MCC: variants seen among roughly 807,000 people sequenced by gnomAD.
MCC encodes the protein MCC regulator of Wnt signaling pathway, also known as colorectal mutant cancer protein.
In MCC, 90 loss-of-function variants were observed where a neutral mutation model predicts 116.2. That is an observed-to-expected ratio of 0.77 (90% CI 0.65 to 0.92). The LOEUF is 0.92. Among genes scored for constraint, MCC ranks in the 40% least tolerant of loss-of-function variants. The pLI is 0.00. For missense variants in MCC, 1,516 were observed against 1,312.2 expected (o/e 1.16, Z -2.40); for synonymous variants, 578 against 510.5 (o/e 1.13, Z -1.78).
intron 11 of MCC, among the ~76,000 whole-genome samples, chr5:113,080,509 T>C (rs935806276): frequency 1.5e-4 from 23 of 152,174 alleles, no homozygotes; most frequent in Admixed American, 1.3e-3. Context: ...TGTAGGGACA[T>C]GGATGAAGCT....
chr5:113,320,342 T>C (rs1767388025), intron 3 of MCC, among the ~76,000 whole-genome samples: 1 of 150,784 alleles, frequency 6.6e-6, no homozygotes, highest in Non-Finnish European at 1.5e-5. Flanking sequence ...AAGTGGCAAA[T>C]ATATAGAAAC....
chr5:113,468,393 G>T (rs887250752), intron 1 of MCC, among the ~76,000 whole-genome samples: 1 of 152,290 alleles, frequency 6.6e-6, no homozygotes, highest in East Asian at 1.9e-4. Context: ...TAGCATGAAA[G>T]GTTGTTGAAC....
intron 3 of MCC, among the ~76,000 whole-genome samples, chr5:113,188,692 C>A (rs1446796953): frequency 1.3e-5 from 2 of 152,104 alleles, no homozygotes; most frequent in Non-Finnish European, 2.9e-5. Context: ...CCTGTTTAAT[C>A]ATGATGTAGG....
At chr5:113,226,375 C>G (rs1763740256) in intron 3 of MCC, among the ~76,000 whole-genome samples, 2 of 152,196 alleles carry the variant, frequency 1.3e-5, no homozygotes, top group Non-Finnish European at 2.9e-5. Flanking sequence ...ATGAGATGTG[C>G]TCAGATTTTA....
At chr5:113,354,543 T>A (rs1768362399) in intron 2 of MCC, among the ~76,000 whole-genome samples, 1 of 151,758 alleles carries the variant, frequency 6.6e-6, no homozygotes, top group African/African-American at 2.4e-5. Context: ...CAAGCGATTG[T>A]CCTGTTTCAG....
At chr5:113,061,204 C>A (rs1257520288) in intron 14 of MCC, among the ~76,000 whole-genome samples, 1 of 152,224 alleles carries the variant, frequency 6.6e-6, no homozygotes, top group Admixed American at 6.5e-5. Context: ...GGCAAGGCTG[C>A]AACCACCATT....
intron 3 of MCC, among the ~76,000 whole-genome samples, chr5:113,295,699 C>T (rs886410782): frequency 6.6e-6 from 1 of 152,146 alleles, no homozygotes; most frequent in Non-Finnish European, 1.5e-5. Flanking sequence ...GGTAAAACAT[C>T]CTGTGTCTAT....
chr5:113,207,857 C>T (rs546503330), intron 3 of MCC, among the ~76,000 whole-genome samples: 1 of 152,256 alleles, frequency 6.6e-6, no homozygotes, highest in African/African-American at 2.4e-5. Flanking sequence ...AAGTCCTTCC[C>T]CTGGAGGCCA....
intron 3 of MCC, among the ~76,000 whole-genome samples, chr5:113,152,452 G>A (rs181527362): frequency 6.6e-6 from 1 of 152,276 alleles, no homozygotes; most frequent in Admixed American, 6.5e-5. Flanking sequence ...GTGAACAACT[G>A]GAATTAGAAC....
At chr5:113,392,367 T>C (rs1167260551) in intron 1 of MCC, among the ~76,000 whole-genome samples, 1 of 152,182 alleles carries the variant, frequency 6.6e-6, no homozygotes. Flanking sequence ...AACGTAATTT[T>C]AGAAACTGGA....
intron 1 of MCC, among the ~76,000 whole-genome samples, chr5:113,398,660 A>G (rs1769597633): frequency 6.6e-6 from 1 of 152,204 alleles, no homozygotes; most frequent in African/African-American, 2.4e-5. Flanking sequence ...TGGCAACGAT[A>G]GACACTTGGG....
intron 1 of MCC, among the ~76,000 whole-genome samples, chr5:113,475,251 A>G (rs1158740587): frequency 6.6e-6 from 1 of 152,250 alleles, no homozygotes; most frequent in Admixed American, 6.5e-5. Flanking sequence ...TGTTTTAAAT[A>G]ATTAAACACA....
chr5:113,233,984 C>T (rs1289441045), intron 3 of MCC, among the ~76,000 whole-genome samples: 1 of 152,142 alleles, frequency 6.6e-6, no homozygotes, highest in Non-Finnish European at 1.5e-5. Context: ...TAAGTCCTAC[C>T]ACTCTCTACC....
At chr5:113,413,031 T>C (rs1001493468) in intron 1 of MCC, among the ~76,000 whole-genome samples, 1 of 152,216 alleles carries the variant, frequency 6.6e-6, no homozygotes, top group Admixed American at 6.5e-5. Context: ...GAGATAAGCA[T>C]GTGGTTTTTG....
At chr5:113,466,542 C>T (rs1771914492) in intron 1 of MCC, among the ~76,000 whole-genome samples, 1 of 152,010 alleles carries the variant, frequency 6.6e-6, no homozygotes, top group Non-Finnish European at 1.5e-5. Flanking sequence ...CATAGTATTC[C>T]ATGGTGTATA....
chr5:113,267,828 A>G (rs1765475387), intron 3 of MCC, among the ~76,000 whole-genome samples: 1 of 152,230 alleles, frequency 6.6e-6, no homozygotes, highest in South Asian at 2.1e-4. Flanking sequence ...ACGGAATTGT[A>G]TACCTTAAAT....
rs147665017 is a variant in MCC, at chr5:113,036,201, C to T, written c.2757-7145G>A. ...TATAGGCACCTGTCACCATGCCCAG[C>T]TCATTTTTGTATTTTTAGTAGGGAC... On this transcript the variant is annotated intron_variant, in intron 17 of 18. Coordinates refer to ENST00000408903, the MANE Select transcript of MCC (RefSeq NM_001085377.2). Among the ~76,000 whole-genome samples, 1,320 of 152,062 alleles carry T rather than the reference C, an allele frequency of 8.7e-3. 27 individuals are homozygous for T. Among genetic ancestry groups the T allele is most frequent in the African/African-American group, 0.031 (1,271 of 41,460 alleles).
chr5:113,341,790 C>T (rs1471566802), intron 2 of MCC, among the ~76,000 whole-genome samples: 1 of 152,022 alleles, frequency 6.6e-6, no homozygotes, highest in African/African-American at 2.4e-5. Context: ...TCTGCTCATC[C>T]TAAGTACCCT....
In MCC at chr5:113,085,178, T is replaced by C. The variant is rs978603870; in HGVS notation, c.1531A>G (p.Ile511Val). 1.2e-6 allele frequency: 2 copies of C among 1,614,184 alleles called. No homozygotes were observed. The highest frequency in any genetic ancestry group is 1.7e-6 in the Non-Finnish European group (2 of 1,180,026). Residue 511 changes from isoleucine to valine, a missense_variant, in exon 9 of 19, where the codon ATT becomes GTT. Coordinates refer to ENST00000408903, the MANE Select transcript of MCC (RefSeq NM_001085377.2). The stretch of plus-strand genomic sequence containing the variant: ...CAGGAACTCACCTTGGCGATGGGAA[T>C]GTCATTGCTGCTGCTGCTTGTGCTC... ...ELSTSSSSNDIPIAKIAERVK... is the reference protein window; with the variant it reads ...ELSTSSSSNDVPIAKIAERVK...
Sources: allele counts gnomAD v4.1 joint callset (sites outside exome capture counted in the v4.1 genomes callset), GRCh38; gene constraint gnomAD v4.1.1; transcripts MANE v1.5; gene names NCBI Gene and HGNC (gene_info 2026-07-23, HGNC 2026-07-21).